Variants in TFEC observed in about 807,000 individuals in gnomAD.
The protein encoded by TFEC is transcription factor EC, also known as class E basic helix-loop-helix protein 34.
In TFEC, 31 loss-of-function variants were observed where a neutral mutation model predicts 41.6. The observed-to-expected ratio is 0.74, with a 90% CI of 0.56 to 1.01. The LOEUF is 1.01. Ranked by LOEUF, TFEC falls within the 50% of genes least tolerant of loss-of-function variation. The pLI, the probability that TFEC is intolerant of heterozygous loss-of-function variation, is 0.00. For missense variants in TFEC, 402 were observed against 404.1 expected (o/e 0.99, Z 0.04); for synonymous variants, 143 against 140.6 (o/e 1.02, Z -0.12).
chr7:116,097,324 T>A (rs1797488840), intron 3 of TFEC, among the ~76,000 whole-genome samples: 1 of 152,172 alleles, frequency 6.6e-6, no homozygotes, highest in Non-Finnish European at 1.5e-5. Context: ...GAACTCTACA[T>A]TTACTATGTT....
chr7:116,079,340 C>A (rs759538607), intron 3 of TFEC, among the ~76,000 whole-genome samples: 1 of 151,778 alleles, frequency 6.6e-6, no homozygotes, highest in African/African-American at 2.4e-5. Flanking sequence ...AGCAATCAGA[C>A]AAGAAAAACA....
At chr7:115,966,883 C>T (rs1792879773) in intron 3 of TFEC, among the ~76,000 whole-genome samples, 1 of 151,774 alleles carries the variant, frequency 6.6e-6, no homozygotes, top group Non-Finnish European at 1.5e-5. Flanking sequence ...TCAGGCCAGC[C>T]TGGTTTATTT....
chr7:116,078,830 T>G (rs769486867), intron 3 of TFEC, among the ~76,000 whole-genome samples: 3 of 152,144 alleles, frequency 2.0e-5, no homozygotes, highest in Non-Finnish European at 4.4e-5. Flanking sequence ...AATCATTCTA[T>G]GAAGTCAATA....
At chr7:116,026,558 G>A (rs965097128) in intron 1 of TFEC, among the ~76,000 whole-genome samples, 2 of 152,056 alleles carry the variant, frequency 1.3e-5, no homozygotes, top group Non-Finnish European at 2.9e-5. Context: ...TACTGAACGA[G>A]GTAAAATCAC....
chr7:116,104,109 C>A (rs1184123634), intron 3 of TFEC, among the ~76,000 whole-genome samples: 3 of 152,112 alleles, frequency 2.0e-5, no homozygotes. Flanking sequence ...TTCTCCAGAT[C>A]CTGCAATTTA....
chr7:116,139,457 T>A (rs906620280), intron 1 of TFEC, among the ~76,000 whole-genome samples: 1 of 152,216 alleles, frequency 6.6e-6, no homozygotes, highest in Non-Finnish European at 1.5e-5. Context: ...CACTGCTTTA[T>A]CATGCTTTCT....
intron 1 of TFEC, among the ~76,000 whole-genome samples, chr7:116,017,026 A>G (rs1456025930): frequency 2.6e-5 from 4 of 152,152 alleles, no homozygotes; most frequent in Admixed American, 2.6e-4. Context: ...TGTCTCAAAT[A>G]GAACCATCCT....
chr7:115,946,245 C>T (rs1791539593), intron 6 of TFEC, among the ~76,000 whole-genome samples: 1 of 149,644 alleles, frequency 6.7e-6, no homozygotes, highest in Non-Finnish European at 1.5e-5. Flanking sequence ...TAAATTAGGC[C>T]TGAGCTCTTC....
At chr7:115,952,216 A>C (rs1791985142) in intron 5 of TFEC, among the ~76,000 whole-genome samples, 1 of 151,970 alleles carries the variant, frequency 6.6e-6, no homozygotes, top group African/African-American at 2.4e-5. Context: ...GGTTCTGGTA[A>C]GAGTTTATTT....
At chr7:116,003,808 C>T (rs1794688446) in intron 1 of TFEC, among the ~76,000 whole-genome samples, 3 of 151,942 alleles carry the variant, frequency 2.0e-5, no homozygotes, top group Admixed American at 2.0e-4. Context: ...TTGAGTTAAG[C>T]TACAAATCAA....
rs570303730 is a variant in TFEC, at chr7:116,039,310, A to C, written c.199-54797T>G. The stretch of plus-strand genomic sequence containing the variant: ...TACTATAAGTACAAATAAGAAGAAG[A>C]GAAAAAAGAGAAAAATTATAGGAAG... On this transcript the variant is annotated intron_variant, in intron 3 of 8. Coordinates refer to the TFEC transcript ENST00000484212. Among the ~76,000 whole-genome samples, 94 of 152,212 alleles carry C rather than the reference A, an allele frequency of 6.2e-4. 1 individual carries two copies. The highest frequency in any genetic ancestry group is 2.2e-3 in the African/African-American group (91 of 41,564).
upstream of TFEC, among the ~76,000 whole-genome samples, chr7:116,035,496 T>C (rs1795888869): frequency 6.6e-6 from 1 of 152,144 alleles, no homozygotes; most frequent in African/African-American, 2.4e-5. Flanking sequence ...GCAAAGTCAA[T>C]ATAATATCCA....
intron 1 of TFEC, among the ~76,000 whole-genome samples, chr7:116,012,251 A>T (rs1372424686): frequency 6.6e-6 from 1 of 152,166 alleles, no homozygotes; most frequent in Non-Finnish European, 1.5e-5. Flanking sequence ...TTAAACATTA[A>T]TATTTATTAA....
intron 1 of TFEC, among the ~76,000 whole-genome samples, chr7:116,130,979 T>A (rs768086437): frequency 6.6e-6 from 1 of 152,196 alleles, no homozygotes; most frequent in Non-Finnish European, 1.5e-5. Flanking sequence ...AAATTTTCTA[T>A]AAAGTAGTAT....
At chr7:116,138,725 C>T (rs548700198) in intron 1 of TFEC, among the ~76,000 whole-genome samples, 1 of 152,244 alleles carries the variant, frequency 6.6e-6, no homozygotes, top group South Asian at 2.1e-4. Flanking sequence ...AGACTCTTAA[C>T]ACAACTTTTA....
At chr7:116,025,450 G>A (rs1037510159) in intron 1 of TFEC, among the ~76,000 whole-genome samples, 2 of 151,972 alleles carry the variant, frequency 1.3e-5, no homozygotes, top group African/African-American at 4.8e-5. Context: ...GATTTCTCAG[G>A]AGCAAATTCA....
intron 3 of TFEC, among the ~76,000 whole-genome samples, chr7:116,078,893 G>T (rs1239607955): frequency 6.6e-6 from 1 of 151,756 alleles, no homozygotes; most frequent in Non-Finnish European, 1.5e-5. Flanking sequence ...AAAACTACAG[G>T]CCAATATCCC....
At chr7:116,133,231 C>T (rs1045561341) in intron 1 of TFEC, among the ~76,000 whole-genome samples, 1 of 145,106 alleles carries the variant, frequency 6.9e-6, no homozygotes, top group Admixed American at 6.9e-5. Context: ...TGTTATGTAC[C>T]AAACGAAAAT....
At chr7:116,098,400 C>T (rs1227655860) in intron 3 of TFEC, among the ~76,000 whole-genome samples, 1 of 151,976 alleles carries the variant, frequency 6.6e-6, no homozygotes, top group East Asian at 1.9e-4. Context: ...CTGCGCCCAG[C>T]CGCAACCAAG....
Sources: gnomAD v4.1 joint callset for allele counts (sites outside exome capture counted in the v4.1 genomes callset) on GRCh38, gnomAD v4.1.1 for gene constraint, MANE v1.5 for transcripts, NCBI Gene and HGNC (gene_info 2026-07-23, HGNC 2026-07-21) for gene names.